The following CPNE4 variants were observed in gnomAD, a reference collection of about 807,000 sequenced individuals.
CPNE4 encodes the protein copine 4, also known as copine-4.
A neutral mutation model predicts 67.9 loss-of-function variants in CPNE4; 25 were observed. The observed-to-expected ratio is 0.37, with a 90% CI of 0.27 to 0.51. The LOEUF (loss-of-function observed/expected upper bound fraction) is 0.51, where lower values mean the gene tolerates loss of function less well. Ranked by LOEUF, CPNE4 falls within the 20% of genes least tolerant of loss-of-function variation. CPNE4 has a pLI of 0.93. For synonymous variants in CPNE4, 242 were observed against 244.9 expected (o/e 0.99, Z 0.11); for missense variants, 464 against 690.8 (o/e 0.67, Z 3.68).
intron 2 of CPNE4, among the ~76,000 whole-genome samples, chr3:131,769,246 G>A (rs115614599): frequency 1.9e-4 from 29 of 152,250 alleles, no homozygotes; most frequent in Non-Finnish European, 2.4e-4. Context: ...CTATACAAGT[G>A]AAATTAAGAA....
chr3:131,946,616 T>C (rs2107872843), intron 1 of CPNE4, among the ~76,000 whole-genome samples: 1 of 152,322 alleles, frequency 6.6e-6, no homozygotes, highest in East Asian at 1.9e-4. Context: ...TGTTGAGTTG[T>C]GAGAGTTCTT....
At chr3:131,562,352 G>A (rs1936816866) in intron 11 of CPNE4, among the ~76,000 whole-genome samples, 1 of 152,066 alleles carries the variant, frequency 6.6e-6, no homozygotes, top group African/African-American at 2.4e-5. Context: ...AGGGCTCTGA[G>A]GCTTACTATC....
intron 1 of CPNE4, among the ~76,000 whole-genome samples, chr3:131,966,324 A>G (rs570942355): frequency 6.6e-6 from 1 of 152,302 alleles, no homozygotes; most frequent in East Asian, 1.9e-4. Flanking sequence ...TAGAGAAGCA[A>G]GAGCAAACAA....
chr3:131,643,038 G>A (rs1365219207), intron 7 of CPNE4, among the ~76,000 whole-genome samples: 1 of 152,124 alleles, frequency 6.6e-6, no homozygotes, highest in Non-Finnish European at 1.5e-5. Flanking sequence ...AGGAAGATGT[G>A]AGAAAGTTTG....
At chr3:131,773,591 G>A (rs1440948444) in intron 2 of CPNE4, among the ~76,000 whole-genome samples, 4 of 151,900 alleles carry the variant, frequency 2.6e-5, no homozygotes, top group Admixed American at 6.6e-5. Flanking sequence ...CAAGAGATCC[G>A]CCTGCCTTGG....
intron 1 of CPNE4, among the ~76,000 whole-genome samples, chr3:131,936,850 C>A (rs2071237641): frequency 6.6e-6 from 1 of 150,818 alleles, no homozygotes; most frequent in Admixed American, 6.6e-5. Context: ...TTGGTAGAAA[C>A]CAGGAAACAA....
intron 8 of CPNE4, among the ~76,000 whole-genome samples, chr3:131,584,954 A>G (rs1408134542): frequency 6.6e-6 from 1 of 152,180 alleles, no homozygotes; most frequent in Non-Finnish European, 1.5e-5. Context: ...ATATCTGACC[A>G]CATCCTATGA....
At chr3:131,750,503 G>A (rs2082599417) in intron 2 of CPNE4, among the ~76,000 whole-genome samples, 1 of 151,988 alleles carries the variant, frequency 6.6e-6, no homozygotes, top group African/African-American at 2.4e-5. Flanking sequence ...GTATTACATT[G>A]TATATACCTA....
intron 1 of CPNE4, among the ~76,000 whole-genome samples, chr3:131,913,283 A>G (rs544078057): frequency 1.3e-4 from 20 of 152,296 alleles, no homozygotes; most frequent in African/African-American, 4.3e-4. Flanking sequence ...CAGCTTTTGG[A>G]TAAGATTTCA....
At chr3:131,635,198 C>T (rs773813790) in intron 7 of CPNE4, among the ~76,000 whole-genome samples, 2 of 152,252 alleles carry the variant, frequency 1.3e-5, no homozygotes, top group African/African-American at 2.4e-5. Flanking sequence ...TAAAAAGTCT[C>T]GGAAAACCTG....
chr3:132,013,209 C>A (rs9816255), intron 1 of CPNE4, among the ~76,000 whole-genome samples: 28,951 of 152,132 alleles, frequency 0.19, 2,800 homozygotes, highest in African/African-American at 0.2. Context: ...GGTGACAGAG[C>A]AAGACTCCAT....
At chr3:131,764,298 C>T (rs1237866253) in intron 2 of CPNE4, among the ~76,000 whole-genome samples, 2 of 151,688 alleles carry the variant, frequency 1.3e-5, no homozygotes, top group Non-Finnish European at 2.9e-5. Context: ...GAGAATATAG[C>T]CATAAAAAGA....
At chr3:131,853,383 G>A (rs1560467791) in intron 2 of CPNE4, among the ~76,000 whole-genome samples, 1 of 151,726 alleles carries the variant, frequency 6.6e-6, no homozygotes, top group Admixed American at 6.6e-5. Flanking sequence ...GTGTGTGTGT[G>A]TATACTCTCA....
At chr3:131,686,222 A>G (rs996098533) in intron 5 of CPNE4, among the ~76,000 whole-genome samples, 7 of 152,218 alleles carry the variant, frequency 4.6e-5, no homozygotes, top group Admixed American at 2.6e-4. Flanking sequence ...TCTGAAAGCT[A>G]AGTTCTTTGT....
intron 2 of CPNE4, among the ~76,000 whole-genome samples, chr3:131,870,355 C>G (rs139493332): frequency 5.3e-5 from 8 of 152,100 alleles, no homozygotes; most frequent in African/African-American, 1.7e-4. Flanking sequence ...AAGGAGCAAC[C>G]GGTCTTGTCG....
intron 2 of CPNE4, among the ~76,000 whole-genome samples, chr3:131,742,148 G>A (rs1050032475): frequency 6.6e-6 from 1 of 152,166 alleles, no homozygotes; most frequent in African/African-American, 2.4e-5. Context: ...TTCTGGATGA[G>A]AGTAACATTT....
In CPNE4 at chr3:131,560,098, T is replaced by C. The variant is rs139563098; in HGVS notation, c.1061+4118A>G. On this transcript the variant is annotated intron_variant, in intron 11 of 15. Transcript: ENST00000429747. The stretch of plus-strand genomic sequence containing the variant: ...GTCTCCCTTTGTGTTCAGATCATTT[T>C]TGAAACATAAATCTAGGGTATTAAA... 1.1e-3 allele frequency among the ~76,000 whole-genome samples: 173 copies of C among 152,214 alleles called. 2 individuals are homozygous for C. Among genetic ancestry groups the C allele is most frequent in the African/African-American group, 3.8e-3 (159 of 41,570 alleles).
chr3:131,540,549 G>A (rs536901882), intron 15 of CPNE4, among the ~76,000 whole-genome samples: 1 of 152,306 alleles, frequency 6.6e-6, no homozygotes, highest in East Asian at 1.9e-4. Context: ...AGGATGGATG[G>A]ATCATTGTTT....
At chr3:131,765,279 C>A (rs1256535084) in intron 2 of CPNE4, among the ~76,000 whole-genome samples, 1 of 152,124 alleles carries the variant, frequency 6.6e-6, no homozygotes, top group Admixed American at 6.6e-5. Flanking sequence ...CCAAGCATTT[C>A]TTTCTGTGCT....
Sources: allele counts gnomAD v4.1 joint callset (sites outside exome capture counted in the v4.1 genomes callset), GRCh38; gene constraint gnomAD v4.1.1; transcripts MANE v1.5; gene names NCBI Gene and HGNC (gene_info 2026-07-23, HGNC 2026-07-21).